TENM3: variants seen among roughly 807,000 people sequenced by gnomAD.
TENM3 encodes the protein teneurin transmembrane protein 3, also known as teneurin-3.
A neutral mutation model predicts 255.1 loss-of-function variants in TENM3; 63 were observed. The ratio of observed to expected loss-of-function variants is 0.25; its 90% CI spans 0.20 to 0.30. TENM3 has a LOEUF of 0.30. TENM3 is among the 10% of genes least tolerant of loss of function. TENM3 has a pLI of 1.00. For synonymous variants in TENM3, 1,306 were observed against 1,322.3 expected (o/e 0.99, Z 0.27); for missense variants, 2,929 against 3,461.1 (o/e 0.85, Z 3.86).
the TENM3 span, among the ~76,000 whole-genome samples, chr4:181,471,513 G>T: frequency 6.6e-6 from 1 of 152,212 alleles, no homozygotes; most frequent in South Asian, 2.1e-4. Context: ...GCATGGTGAG[G>T]TTAAGACAAA....
chr4:181,933,140 G>A, the TENM3 span, among the ~76,000 whole-genome samples: 5 of 152,152 alleles, frequency 3.3e-5, no homozygotes, highest in Non-Finnish European at 7.4e-5. Flanking sequence ...TTCTGCACAT[G>A]TATCCCAGAA....
At chr4:182,111,937 G>A in the TENM3 span, among the ~76,000 whole-genome samples, 3 of 152,098 alleles carry the variant, frequency 2.0e-5, no homozygotes, top group African/African-American at 4.8e-5. Flanking sequence ...AGTCTTGACC[G>A]TAAAGCTAGA....
the TENM3 span, among the ~76,000 whole-genome samples, chr4:181,474,751 AAAC>A: frequency 2.0e-5 from 3 of 151,602 alleles, no homozygotes; most frequent in Admixed American, 6.6e-5. Flanking sequence ...AAAAAAAAAA[AAAC>A]AAAGAAAGTT....
At chr4:181,866,743 T>C in the TENM3 span, among the ~76,000 whole-genome samples, 1 of 152,182 alleles carries the variant, frequency 6.6e-6, no homozygotes, top group South Asian at 2.1e-4. Context: ...CCTGCCTGAA[T>C]TTTAAAGCAT....
chr4:182,587,484 CA>C (rs1746147051), intron 3 of TENM3, among the ~76,000 whole-genome samples: 1 of 152,118 alleles, frequency 6.6e-6, no homozygotes, highest in Non-Finnish European at 1.5e-5. Flanking sequence ...GAGGCTGAGG[CA>C]AGAGAATTGC....
intron 1 of TENM3, among the ~76,000 whole-genome samples, chr4:182,253,368 G>A (rs1402359213): frequency 2.6e-5 from 4 of 152,206 alleles, no homozygotes; most frequent in African/African-American, 9.7e-5. Context: ...AGCTACTTGG[G>A]AGGCTGAAGC....
intron 1 of TENM3, among the ~76,000 whole-genome samples, chr4:182,322,625 C>G (rs1361668191): frequency 6.6e-6 from 1 of 152,114 alleles, no homozygotes; most frequent in African/African-American, 2.4e-5. Context: ...CACAAGGCTC[C>G]AAGTTGGAAG....
chr4:181,864,828 T>C, the TENM3 span, among the ~76,000 whole-genome samples: 1 of 152,288 alleles, frequency 6.6e-6, no homozygotes, highest in African/African-American at 2.4e-5. Flanking sequence ...AGTCAGTGTT[T>C]TACAGAGGGC....
At chr4:182,489,793 TCTC>T (rs1231706994) in intron 3 of TENM3, among the ~76,000 whole-genome samples, 2 of 151,712 alleles carry the variant, frequency 1.3e-5, no homozygotes, top group East Asian at 3.9e-4. Flanking sequence ...TCCATTCCCC[TCTC>T]CTCCTCTCGC....
chr4:181,596,689 C>T, the TENM3 span, among the ~76,000 whole-genome samples: 2 of 152,070 alleles, frequency 1.3e-5, no homozygotes, highest in Admixed American at 1.3e-4. Flanking sequence ...CCTAAATGCC[C>T]ATCAATGATA....
chr4:182,548,455 T>C (rs1741672893), intron 3 of TENM3, among the ~76,000 whole-genome samples: 1 of 152,122 alleles, frequency 6.6e-6, no homozygotes, highest in Non-Finnish European at 1.5e-5. Context: ...AGCTTTGGAC[T>C]GAAAAGCAAG....
chr4:182,049,988 T>A, the TENM3 span, among the ~76,000 whole-genome samples: 25 of 123,042 alleles, frequency 2.0e-4, no homozygotes, highest in Admixed American at 1.1e-3. Context: ...GTATTTTTTT[T>A]AATTAAAAAA....
At chr4:182,176,485 A>G (rs927170691) in intron 1 of TENM3, among the ~76,000 whole-genome samples, 2 of 152,204 alleles carry the variant, frequency 1.3e-5, no homozygotes, top group Non-Finnish European at 2.9e-5. Context: ...CATTATTATT[A>G]CTGTTATTAT....
At chr4:181,579,185 A>G in the TENM3 span, among the ~76,000 whole-genome samples, 1 of 151,968 alleles carries the variant, frequency 6.6e-6, no homozygotes, top group South Asian at 2.1e-4. Context: ...GCTGCAGGAG[A>G]GGAAAATAAG....
At chr4:181,681,058 C>T in the TENM3 span, among the ~76,000 whole-genome samples, 7 of 152,070 alleles carry the variant, frequency 4.6e-5, no homozygotes, top group South Asian at 1.2e-3. Context: ...TATATTTATA[C>T]ATTCTTTTAG....
chr4:182,144,999 C>G (rs1002074580), intron 1 of TENM3: 1 of 151,968 alleles, frequency 6.6e-6, no homozygotes, highest in African/African-American at 2.4e-5. Flanking sequence ...GCCTCTCGCC[C>G]GGGGAGCCAG....
the TENM3 span, among the ~76,000 whole-genome samples, chr4:181,469,506 A>G: frequency 6.6e-6 from 1 of 152,298 alleles, no homozygotes. Flanking sequence ...TTTAGAAAAC[A>G]CTTGCATATT....
In TENM3 at chr4:182,489,236, T is replaced by C. The variant is rs551901408; in HGVS notation, c.512-111688T>C. ...GCCTTATGAGAAATAGTACATTTTA[T>C]AATGTGCTCTAATAAAGGGAAAATG... is the stretch of plus-strand genomic sequence containing the variant. On this transcript the variant is annotated intron_variant, in intron 3 of 27. Transcript: ENST00000511685. 3.5e-4 allele frequency among the ~76,000 whole-genome samples: 52 copies of C among 148,788 alleles called. No individual in the cohort carries two copies. The South Asian group carries it at 4.2e-3, about 12-fold the overall frequency.
At chr4:182,387,986 T>C (rs1464127544) in intron 3 of TENM3, among the ~76,000 whole-genome samples, 2 of 151,874 alleles carry the variant, frequency 1.3e-5, no homozygotes, top group African/African-American at 4.8e-5. Flanking sequence ...TCAGTCTTGC[T>C]TTGGAATTTT....
Sources: allele counts gnomAD v4.1 joint callset (sites outside exome capture counted in the v4.1 genomes callset), GRCh38; gene constraint gnomAD v4.1.1; transcripts MANE v1.5; gene names NCBI Gene and HGNC (gene_info 2026-07-23, HGNC 2026-07-21).